UNC13C: variants seen among roughly 807,000 people sequenced by gnomAD.
UNC13C encodes unc-13 homolog C, also known as protein unc-13 homolog C.
Under a neutral mutation model 245.4 loss-of-function variants are expected in UNC13C, and 174 were observed. That is an observed-to-expected ratio of 0.71 (90% CI 0.63 to 0.80). UNC13C has a LOEUF of 0.80. Ranked by LOEUF, UNC13C falls within the 30% of genes least tolerant of loss-of-function variation. UNC13C has a pLI of 0.00. For synonymous variants in UNC13C, 992 were observed against 895.1 expected (o/e 1.11, Z -1.93); for missense variants, 2,829 against 2,602.9 (o/e 1.09, Z -1.89).
At chr15:54,573,654 T>C (rs761726392) in intron 30 of UNC13C, among the ~76,000 whole-genome samples, 3 of 152,234 alleles carry the variant, frequency 2.0e-5, no homozygotes, top group Non-Finnish European at 2.9e-5. Flanking sequence ...TGCTCTAATA[T>C]GGTGCTTCTC....
chr15:54,591,809 G>A (rs922671546), intron 30 of UNC13C, among the ~76,000 whole-genome samples: 3 of 151,838 alleles, frequency 2.0e-5, no homozygotes, highest in Admixed American at 6.6e-5. Flanking sequence ...CTGCTCTGAT[G>A]TTGGTTATTT....
intron 11 of UNC13C, among the ~76,000 whole-genome samples, chr15:54,297,187 CTT>C (rs1239134096): frequency 6.6e-6 from 1 of 152,116 alleles, no homozygotes; most frequent in African/African-American, 2.4e-5. Flanking sequence ...TGCCAAATAA[CTT>C]ATTTAATTTC....
At chr15:53,987,719 T>C (rs1167510392) in intron 1 of UNC13C, among the ~76,000 whole-genome samples, 1 of 152,034 alleles carries the variant, frequency 6.6e-6, no homozygotes, top group Non-Finnish European at 1.5e-5. Context: ...GTTTGAAACA[T>C]GCACACAAAA....
At chr15:54,594,252 G>GAGCCAGA (rs1898948201) in intron 30 of UNC13C, among the ~76,000 whole-genome samples, 1 of 152,146 alleles carries the variant, frequency 6.6e-6, no homozygotes, top group Non-Finnish European at 1.5e-5. Flanking sequence ...TGGACTCCAT[G>GAGCCAGA]GGGGCTCTTA....
intron 19 of UNC13C, among the ~76,000 whole-genome samples, chr15:54,441,169 T>C (rs988919148): frequency 6.6e-6 from 1 of 152,062 alleles, no homozygotes; most frequent in Non-Finnish European, 1.5e-5. Flanking sequence ...ATTAATATAG[T>C]CCCAGTCCCA....
intron 10 of UNC13C, among the ~76,000 whole-genome samples, chr15:54,280,278 A>G (rs1179463682): frequency 6.6e-6 from 1 of 152,012 alleles, no homozygotes; most frequent in Non-Finnish European, 1.5e-5. Flanking sequence ...AATACAATAT[A>G]CTTATTAAAA....
intron 30 of UNC13C, among the ~76,000 whole-genome samples, chr15:54,573,135 T>C (rs1379948636): frequency 1.3e-5 from 2 of 152,224 alleles, no homozygotes; most frequent in African/African-American, 4.8e-5. Context: ...AATGGTTTAA[T>C]AAATGGGTTT....
chr15:54,354,224 A>G (rs1227156348), intron 17 of UNC13C, among the ~76,000 whole-genome samples: 1 of 152,068 alleles, frequency 6.6e-6, no homozygotes, highest in Non-Finnish European at 1.5e-5. Context: ...TGCTGTGAGG[A>G]TTAAATGAAA....
At chr15:54,475,379 C>T (rs561493877) in intron 19 of UNC13C, among the ~76,000 whole-genome samples, 2 of 151,426 alleles carry the variant, frequency 1.3e-5, no homozygotes, top group South Asian at 2.1e-4. Context: ...CATATGTACA[C>T]ATGTGCCATG....
At chr15:53,924,626 T>A in the UNC13C span, among the ~76,000 whole-genome samples, 1 of 152,186 alleles carries the variant, frequency 6.6e-6, no homozygotes, top group African/African-American at 2.4e-5. Flanking sequence ...TTAACCTAAA[T>A]AATTATGTAA....
At chr15:53,973,882 T>C (rs1439533314), upstream of UNC13C, among the ~76,000 whole-genome samples, 1 of 152,176 alleles carries the variant, frequency 6.6e-6, no homozygotes, top group Non-Finnish European at 1.5e-5. Flanking sequence ...ATTTACTCCA[T>C]TTAATTATTA....
the UNC13C span, among the ~76,000 whole-genome samples, chr15:53,930,825 T>G: frequency 6.6e-6 from 1 of 152,196 alleles, no homozygotes. Context: ...GCTTCCCTCA[T>G]GCATTTTAGT....
intron 24 of UNC13C, among the ~76,000 whole-genome samples, chr15:54,523,352 T>C (rs1194693980): frequency 6.6e-6 from 1 of 152,214 alleles, no homozygotes; most frequent in Non-Finnish European, 1.5e-5. Context: ...ATTCAGATCA[T>C]GTAAACGTTA....
At chr15:54,044,767 A>C (rs754988722) in intron 2 of UNC13C, among the ~76,000 whole-genome samples, 2 of 152,194 alleles carry the variant, frequency 1.3e-5, no homozygotes, top group Non-Finnish European at 2.9e-5. Context: ...ATAGTCAAGC[A>C]GATTAACATA....
intron 9 of UNC13C, among the ~76,000 whole-genome samples, chr15:54,265,140 TTTTCA>T (rs1190455580): frequency 6.6e-6 from 1 of 152,008 alleles, no homozygotes; most frequent in Admixed American, 6.6e-5. Flanking sequence ...ATATAGCTAC[TTTTCA>T]TTAAAGACAA....
At chr15:54,364,620 G>C (rs949085752) in intron 17 of UNC13C, among the ~76,000 whole-genome samples, 1 of 152,160 alleles carries the variant, frequency 6.6e-6, no homozygotes, top group African/African-American at 2.4e-5. Context: ...TCACTGTAGT[G>C]ACTTTTTTGT....
chr15:54,071,066 C>T (rs922618949), intron 2 of UNC13C, among the ~76,000 whole-genome samples: 1 of 152,084 alleles, frequency 6.6e-6, no homozygotes, highest in Non-Finnish European at 1.5e-5. Flanking sequence ...CTAGCAGAGT[C>T]TGGTGTAGCA....
chr15:54,321,367 T>A, intron 13 of UNC13C: 2 of 482,512 alleles, frequency 4.1e-6, no homozygotes, highest in Non-Finnish European at 8.2e-6. Context: ...AAGATCTTTT[T>A]CAAATTTAAG....
chr15:54,175,287 C>A (rs77702741), intron 4 of UNC13C, among the ~76,000 whole-genome samples: 5,409 of 152,002 alleles, frequency 0.036, 282 homozygotes, highest in East Asian at 0.11. Context: ...TACTTTAAAC[C>A]CTGGCCAAGG....
Sources: allele counts gnomAD v4.1 joint callset (sites outside exome capture counted in the v4.1 genomes callset), GRCh38; gene constraint gnomAD v4.1.1; transcripts MANE v1.5; gene names NCBI Gene and HGNC (gene_info 2026-07-23, HGNC 2026-07-21).